NUP43: variants seen among roughly 807,000 people sequenced by gnomAD.
NUP43 encodes the protein nucleoporin 43.
A neutral mutation model predicts 47.3 loss-of-function variants in NUP43; 32 were observed. The ratio of observed to expected loss-of-function variants is 0.68; its 90% confidence interval spans 0.51 to 0.91. The LOEUF (loss-of-function observed/expected upper bound fraction) is 0.91. Among genes scored for constraint, NUP43 ranks in the 40% least tolerant of loss-of-function variants. The probability of loss-of-function intolerance (pLI) is 0.00; values close to 1 mark genes in which losing one functional copy is unlikely to be tolerated. For synonymous variants in NUP43, 147 were observed against 158.4 expected, an observed-to-expected ratio of 0.93 and a Z score of 0.54; for missense variants, 444 against 453.9, an observed-to-expected ratio of 0.98 and a Z score of 0.20.
At chr6:149,744,443 G>A (rs1418400745) in intron 2 of NUP43, among the ~76,000 whole-genome samples, 1 of 150,638 alleles carries the variant, frequency 6.6e-6, no homozygotes, top group Non-Finnish European at 1.5e-5. Context: ...AGAATCACTT[G>A]AACCCACGAG....
chr6:149,728,701 G>C (rs1269912929), intron 7 of NUP43, among the ~76,000 whole-genome samples: 6 of 152,238 alleles, frequency 3.9e-5, no homozygotes, highest in African/African-American at 1.4e-4. Context: ...TCAGCCACCA[G>C]TCCTTATCTC....
At chr6:149,747,484 C>A, upstream of NUP43, among the ~76,000 whole-genome samples, 1 of 144,734 alleles carries the variant, frequency 6.9e-6, no homozygotes, top group Non-Finnish European at 1.5e-5. Flanking sequence ...GACGGGATTT[C>A]ACCATATTGG....
At chr6:149,729,213 A>G (rs999918399) in intron 7 of NUP43, among the ~76,000 whole-genome samples, 2 of 152,122 alleles carry the variant, frequency 1.3e-5, no homozygotes, top group African/African-American at 4.8e-5. Context: ...GCTGGTCTTG[A>G]ACTCCTGGCC....
chr6:149,736,985 T>G (rs938028943), intron 5 of NUP43, among the ~76,000 whole-genome samples: 6 of 150,360 alleles, frequency 4.0e-5, no homozygotes, highest in Admixed American at 3.3e-4. Context: ...GCCCAGCCTG[T>G]TTTTTTTTGT....
chr6:149,737,864 T>C (rs1377990669), intron 5 of NUP43, among the ~76,000 whole-genome samples: 1 of 152,132 alleles, frequency 6.6e-6, no homozygotes, highest in African/African-American at 2.4e-5. Context: ...CTAGTTTTTG[T>C]ATTTTTAGTA....
At chr6:149,744,132 G>A (rs1284280415) in intron 2 of NUP43, among the ~76,000 whole-genome samples, 1 of 152,106 alleles carries the variant, frequency 6.6e-6, no homozygotes. Context: ...AATGAGTTGG[G>A]GTTGTAGGGA....
intron 2 of NUP43, among the ~76,000 whole-genome samples, 174 bp from the exon 3 acceptor site, chr6:149,743,889 A>C (rs758776625): frequency 3.9e-5 from 6 of 152,376 alleles, no homozygotes; most frequent in East Asian, 3.9e-4. Context: ...ACTGCCATAC[A>C]AAGTATTTTC....
intron 4 of NUP43, among the ~76,000 whole-genome samples, chr6:149,741,817 T>C (rs1785672148): frequency 6.6e-6 from 1 of 152,054 alleles, no homozygotes; most frequent in Non-Finnish European, 1.5e-5. Flanking sequence ...ATTTACTTAG[T>C]ATATGGTAAG....
At chr6:149,734,929 G>T (rs1452653140) in intron 6 of NUP43, among the ~76,000 whole-genome samples, 2 of 150,950 alleles carry the variant, frequency 1.3e-5, no homozygotes, top group Admixed American at 6.6e-5. Context: ...TAAATCTATT[G>T]TTCATGTTAA....
At position 149,724,403 on chromosome 6, in the gene NUP43, G is replaced by A. The variant is rs1479039829; in HGVS notation, c.*2566C>T. The A allele has an allele frequency of 6.6e-6, 1 of 151,432 alleles. No homozygotes were observed. The highest frequency in any genetic ancestry group is 6.6e-5 in the Admixed American group (1 of 15,070). 9.4% of individuals were successfully genotyped at this position (151,432 alleles called of 1,614,324 possible). A position where few individuals can be genotyped will look rare whatever the true frequency, so the allele number is the denominator to read the frequency against. On this transcript the variant is annotated 3_prime_UTR_variant, in exon 8 of 8. Transcript: ENST00000340413. ...CAAAGCAGATTCGAACATAACAACT[G>A]GTGATTGGCTCATCTCACAGGCTCA...
In NUP43 at chr6:149,744,919, A is replaced by T. The variant is rs947524267; in HGVS notation, c.243+1021T>A. Among the ~76,000 whole-genome samples, 9 of 146,832 alleles carry T rather than the reference A, an allele frequency of 6.1e-5. No homozygotes were observed. The East Asian group carries it at 7.9e-4, about 13-fold the overall frequency. On this transcript the variant is annotated intron_variant, in intron 2 of 7. Coordinates refer to ENST00000340413, the MANE Select transcript of NUP43 (RefSeq NM_198887.3). ...TTTATTTATTTATTTATTTATTATTATTATTTTTTGAGACAGAGTTTCGCT... is the reference window on the plus strand; with the variant it reads ...TTTATTTATTTATTTATTTATTATTTTTATTTTTTGAGACAGAGTTTCGCT...
At chr6:149,748,119 G>T (rs189821891), upstream of NUP43, among the ~76,000 whole-genome samples, 111 of 152,082 alleles carry the variant, frequency 7.3e-4, no homozygotes, top group African/African-American at 2.7e-3. Flanking sequence ...TTCAAGACCA[G>T]CCTGGTCAAC....
chr6:149,734,920 A>G (rs982403208), intron 6 of NUP43, among the ~76,000 whole-genome samples: 1 of 152,042 alleles, frequency 6.6e-6, no homozygotes, highest in African/African-American at 2.4e-5. Context: ...AAAAGCTTAT[A>G]AATCTATTGT....
At chr6:149,738,288 C>T (rs1049723533) in intron 5 of NUP43, among the ~76,000 whole-genome samples, 2 of 151,996 alleles carry the variant, frequency 1.3e-5, no homozygotes, top group African/African-American at 4.8e-5. Flanking sequence ...CGTTGTACAC[C>T]TACAAAGGGG....
At position 149,727,656 on chromosome 6, in the gene NUP43, C is replaced by T. The variant is rs146827151; in HGVS notation, c.914-458G>A. On this transcript the variant is annotated intron_variant, in intron 7 of 7. Transcript: ENST00000340413. ...GATGAACATTTCTAGAAATATATTT[C>T]TAAATATATATTTGTTACTATATTT... is the stretch of plus-strand genomic sequence containing the variant. 57 of 769,828 alleles carry T rather than the reference C, an allele frequency of 7.4e-5. No individual in the cohort carries two copies. The African/African-American group carries it at 7.5e-4, about 10-fold the overall frequency. The allele number at this position is 769,828 out of a possible 1,614,324, so 47.7% of individuals were successfully genotyped here. A position where few individuals can be genotyped will look rare whatever the true frequency, so the allele number is the denominator to read the frequency against.
chr6:149,742,634 C>A, intron 3 of NUP43, 64 bp from the exon 4 acceptor site: 7 of 1,226,740 alleles, frequency 5.7e-6, no homozygotes, highest in South Asian at 1.3e-5. Context: ...TTCTTCCCAA[C>A]AAGAGTATCT....
intron 4 of NUP43, 87 bp from the exon 5 acceptor site, chr6:149,738,865 ATATATTACAATTTCCAGTAACTTATAATT>A (rs1785498632): frequency 1.5e-6 from 1 of 685,004 alleles, no homozygotes; most frequent in East Asian, 3.0e-5. Context: ...TCATGGATTG[ATATATTACAATTTCCAGTAACTTATAATT>A]TAAATTTCTA....
chr6:149,739,688 A>C (rs1785548616), intron 4 of NUP43, among the ~76,000 whole-genome samples: 1 of 152,112 alleles, frequency 6.6e-6, no homozygotes, highest in African/African-American at 2.4e-5. Context: ...AGCTCCTCTA[A>C]ACCCAATCTT....
chr6:149,748,808 CAAAAAA>C (rs1161065299), upstream of NUP43, among the ~76,000 whole-genome samples: 1 of 87,362 alleles, frequency 1.1e-5, no homozygotes, highest in African/African-American at 4.3e-5. Context: ...GACTCCGTCT[CAAAAAA>C]AAAAAAAAAA....
Sources: allele counts gnomAD v4.1 joint callset (sites outside exome capture counted in the v4.1 genomes callset), GRCh38; gene constraint gnomAD v4.1.1; transcripts MANE v1.5; gene names NCBI Gene and HGNC (gene_info 2026-07-23, HGNC 2026-07-21).